CPXM2: variants seen among roughly 807,000 people sequenced by gnomAD.
CPXM2 encodes the protein inactive carboxypeptidase-like protein X2.
Under a neutral mutation model 86.1 loss-of-function variants are expected in CPXM2, and 66 were observed. That is an observed-to-expected ratio of 0.77 (90% confidence interval 0.63 to 0.94). CPXM2 has a LOEUF of 0.94. CPXM2 is among the 40% of genes least tolerant of loss of function. The pLI is 0.00. For synonymous variants in CPXM2, 388 were observed against 400.2 expected (o/e 0.97, Z 0.36); for missense variants, 948 against 1,026.3 (o/e 0.92, Z 1.04).
At chr10:123,881,295 C>G (rs1445461961) in intron 1 of CPXM2, among the ~76,000 whole-genome samples, 2 of 140,794 alleles carry the variant, frequency 1.4e-5, no homozygotes, top group East Asian at 4.0e-4. Flanking sequence ...TCCTACTGAT[C>G]CTGAACATCT....
At chr10:123,920,794 GGTTA>G (rs1400490598) in intron 2 of CPXM2, among the ~76,000 whole-genome samples, 3 of 152,132 alleles carry the variant, frequency 2.0e-5, no homozygotes, top group African/African-American at 4.8e-5. Flanking sequence ...CTCAGGAGTG[GGTTA>G]GTTATTGTGG....
At chr10:123,760,659 A>C (rs1846310653) in intron 11 of CPXM2, among the ~76,000 whole-genome samples, 1 of 152,198 alleles carries the variant, frequency 6.6e-6, no homozygotes, top group Non-Finnish European at 1.5e-5. Flanking sequence ...GTGTTACTGC[A>C]GAGGGGAGTC....
At chr10:123,926,169 G>T (rs1468728521) in intron 2 of CPXM2, among the ~76,000 whole-genome samples, 1 of 152,232 alleles carries the variant, frequency 6.6e-6, no homozygotes, top group South Asian at 2.1e-4. Context: ...GCCAAAGTAA[G>T]TCTCCAGCCA....
At chr10:123,751,862 GA>G in intron 13 of CPXM2, 1 of 985,264 alleles carries the variant, frequency 1.0e-6, no homozygotes, top group Non-Finnish European at 1.2e-6. Context: ...ATTATTTATA[GA>G]GGGGAAAATC....
rs371469400 is a variant in CPXM2, at chr10:123,754,812, C to A, written c.1918-50G>T. 6.0e-6 allele frequency: 6 copies of A among 993,508 alleles called. No individual in the cohort carries two copies. The Admixed American group carries it at 1.0e-4, about 17-fold the overall frequency. The allele number at this position is 993,508 out of a possible 1,614,324, so 61.5% of individuals were successfully genotyped here. Reference sequence around the variant, plus strand: ...GGTGAGGTCACCGACCAGCTCTGGACACAACCGGCACAACAGAGTGGGCTG... The same window carrying A: ...GGTGAGGTCACCGACCAGCTCTGGAAACAACCGGCACAACAGAGTGGGCTG... On this transcript the variant is annotated intron_variant, in intron 12 of 13. Coordinates refer to ENST00000241305, the MANE Select transcript of CPXM2 (RefSeq NM_198148.3). This position sits in a 1 kb window ranked among gnomAD's most constrained non-coding sequence, Gnocchi z 4.0.
Position 123,746,680 on chromosome 10 carries a change from A to G in CPXM2, c.*84T>C. 5.3e-6 allele frequency: 7 copies of G among 1,308,578 alleles called. No individual in the cohort carries two copies. Among genetic ancestry groups the G allele is most frequent in the Non-Finnish European group, 7.5e-6 (7 of 931,044 alleles). The allele number at this position is 1,308,578 out of a possible 1,614,324, so 81.1% of individuals were successfully genotyped here. A position where few individuals can be genotyped will look rare whatever the true frequency, so the allele number is the denominator to read the frequency against. On this transcript the variant is annotated 3_prime_UTR_variant, in exon 14 of 14. Coordinates refer to ENST00000241305, the MANE Select transcript of CPXM2 (RefSeq NM_198148.3). ...CACTTCTTGAATTACAGAGGAAACA[A>G]CAGTGAGTGAGTCCACTATGGAGCT...
chr10:123,928,112 G>A (rs1945639371), intron 2 of CPXM2, among the ~76,000 whole-genome samples: 1 of 152,184 alleles, frequency 6.6e-6, no homozygotes, highest in Non-Finnish European at 1.5e-5. Flanking sequence ...CTATCAGCCT[G>A]CCTTCTGCGA....
intron 2 of CPXM2, among the ~76,000 whole-genome samples, chr10:123,904,900 G>C (rs1253001274): frequency 8.6e-6 from 1 of 116,472 alleles, no homozygotes; most frequent in Non-Finnish European, 1.7e-5. Flanking sequence ...TGGAGGGCCC[G>C]AGCTCTGCAT....
intron 2 of CPXM2, 77 bp from the exon 3 acceptor site, chr10:123,862,800 G>A (rs371688616): frequency 1.8e-5 from 23 of 1,313,752 alleles, no homozygotes; most frequent in South Asian, 2.5e-5. Flanking sequence ...AAATCTGGCC[G>A]CGTGCTTTTC....
At chr10:123,874,371 C>T (rs958065125) in intron 2 of CPXM2, among the ~76,000 whole-genome samples, 13 of 146,784 alleles carry the variant, frequency 8.9e-5, no homozygotes, top group Admixed American at 4.1e-4. Flanking sequence ...TCACCACCCC[C>T]CGCCCCAACC....
intron 4 of CPXM2, among the ~76,000 whole-genome samples, chr10:123,830,749 T>G (rs958102474): frequency 1.3e-5 from 2 of 150,186 alleles, no homozygotes; most frequent in Admixed American, 6.6e-5. Context: ...GGGCTTGCCT[T>G]TTGCAGCTGC....
chr10:123,852,721 C>T lies in CPXM2; in HGVS notation c.513+9893G>A, dbSNP rs190450525. Among the ~76,000 whole-genome samples the T allele has an allele frequency of 3.3e-5, 5 of 152,226 alleles. No homozygotes were observed. In the East Asian group the frequency reaches 9.7e-4, roughly 29 times the overall value. On this transcript the variant is annotated intron_variant, in intron 3 of 13. Coordinates refer to ENST00000241305, the MANE Select transcript of CPXM2 (RefSeq NM_198148.3). ...ACCTCCTGCTGCCCCTTGGCTATAC[C>T]GAGCATGCTATACCTGACCTTTGCT...
At chr10:123,934,413 G>A (rs563993793) in intron 2 of CPXM2, among the ~76,000 whole-genome samples, 65 of 151,104 alleles carry the variant, frequency 4.3e-4, no homozygotes, top group African/African-American at 9.7e-4. Flanking sequence ...GGTGCATCTC[G>A]CCAATCCCTG....
intron 11 of CPXM2, among the ~76,000 whole-genome samples, chr10:123,759,169 T>A (rs1278640581): frequency 1.3e-5 from 2 of 152,134 alleles, no homozygotes; most frequent in African/African-American, 4.8e-5. Context: ...CCCGGTCTCA[T>A]TGAAGGAGAT....
chr10:123,821,825 C>T (rs1351305038), intron 4 of CPXM2, among the ~76,000 whole-genome samples: 1 of 152,144 alleles, frequency 6.6e-6, no homozygotes, highest in African/African-American at 2.4e-5. Flanking sequence ...GCCAATTGTG[C>T]TAAGTTTGGG....
chr10:123,832,496 A>G (rs1015290062), intron 4 of CPXM2, among the ~76,000 whole-genome samples: 20 of 152,096 alleles, frequency 1.3e-4, no homozygotes, highest in African/African-American at 4.3e-4. Context: ...TCCAAAATTC[A>G]TATGTTGGAA....
At chr10:123,823,383 T>C (rs1477082755) in intron 4 of CPXM2, among the ~76,000 whole-genome samples, 1 of 152,128 alleles carries the variant, frequency 6.6e-6, no homozygotes, top group Admixed American at 6.5e-5. Context: ...TATGTATGGA[T>C]ATATTAAGAG....
chr10:123,774,682 A>G (rs917432136), intron 7 of CPXM2, among the ~76,000 whole-genome samples: 3 of 152,188 alleles, frequency 2.0e-5, no homozygotes, highest in African/African-American at 7.2e-5. Flanking sequence ...GGGTTAAAAC[A>G]GGCTTCCCCT....
intron 2 of CPXM2, among the ~76,000 whole-genome samples, chr10:123,939,301 C>T (rs1034427038): frequency 7.9e-5 from 12 of 152,088 alleles, no homozygotes; most frequent in African/African-American, 1.9e-4. Context: ...ACTAGAAAAG[C>T]GGCACCAAGC....
Sources: allele counts gnomAD v4.1 joint callset (sites outside exome capture counted in the v4.1 genomes callset), GRCh38; gene constraint gnomAD v4.1.1; non-coding constraint Gnocchi (gnomAD v3.1); transcripts MANE v1.5; gene names NCBI Gene and HGNC (gene_info 2026-07-23, HGNC 2026-07-21).